Variants in ARHGAP22 observed in about 807,000 individuals in gnomAD.
ARHGAP22 encodes Rho GTPase activating protein 22, also known as rho GTPase-activating protein 22.
ARHGAP22 carries 48 observed loss-of-function variants against 59.1 expected under a neutral mutation model. That is an observed-to-expected ratio of 0.81 (90% CI 0.64 to 1.03). The LOEUF is 1.03. ARHGAP22 is among the 50% of genes least tolerant of loss of function. The pLI is 0.00. For missense variants in ARHGAP22, 1,015 were observed against 958.7 expected, an observed-to-expected ratio of 1.06 and a Z score of -0.78; for synonymous variants, 445 against 416.4, an observed-to-expected ratio of 1.07 and a Z score of -0.84.
intron 1 of ARHGAP22, 132 bp downstream of exon 1, chr10:48,604,631 C>T (rs777621224): frequency 7.6e-5 from 107 of 1,414,964 alleles, no homozygotes; most frequent in South Asian, 5.0e-5. Context: ...GGAGGATGCT[C>T]ACTATTCAGC....
chr10:48,462,654 C>T (rs1196314413), intron 4 of ARHGAP22, among the ~76,000 whole-genome samples: 1 of 152,248 alleles, frequency 6.6e-6, no homozygotes. Flanking sequence ...GTCATGTGAA[C>T]AGACAACAGG....
intron 9 of ARHGAP22, among the ~76,000 whole-genome samples, chr10:48,447,621 C>T (rs1438565456): frequency 2.6e-5 from 4 of 152,138 alleles, no homozygotes; most frequent in Admixed American, 6.5e-5. Context: ...ACCCACCTCC[C>T]CACTGCTGCC....
At chr10:48,560,364 C>A (rs1261830973) in intron 2 of ARHGAP22, among the ~76,000 whole-genome samples, 11 of 152,090 alleles carry the variant, frequency 7.2e-5, no homozygotes, top group African/African-American at 2.7e-4. Context: ...CTTTCATTTT[C>A]CCCAACAATA....
At chr10:48,561,704 T>C (rs61450717) in intron 2 of ARHGAP22, among the ~76,000 whole-genome samples, 4,963 of 152,266 alleles carry the variant, frequency 0.033, 184 homozygotes, top group South Asian at 0.13. Context: ...CTATAGAAGA[T>C]ATAGGATTGG....
intron 4 of ARHGAP22, chr10:48,466,576 C>T (rs1181199114): frequency 6.8e-6 from 1 of 147,246 alleles, no homozygotes; most frequent in African/African-American, 2.4e-5. Flanking sequence ...CCGCCCCTAC[C>T]TGGGGCGGCG....
At chr10:48,624,452 G>A (rs1028056989) in intron 1 of ARHGAP22, 1 of 148,802 alleles carries the variant, frequency 6.7e-6, no homozygotes, top group Non-Finnish European at 1.5e-5. Context: ...AAAGAAGAGA[G>A]AAAGAGAGAG....
Position 48,644,096 on chromosome 10 carries a change from G to A in ARHGAP22, c.52+8138C>T, listed in dbSNP as rs535355423. Among the ~76,000 whole-genome samples, 10 of 152,270 alleles carry A rather than the reference G, an allele frequency of 6.6e-5. 1 individual carries two copies. The South Asian group carries it at 1.9e-3, about 28-fold the overall frequency. On this transcript the variant is annotated intron_variant, in intron 1 of 9. Transcript: ENST00000435790. ...TGGGAGGCAGAGGTTGCGGTGAGCC[G>A]AGATCGTGCCATTGCACTCCAGCCT... is the stretch of plus-strand genomic sequence containing the variant.
chr10:48,464,954 C>T (rs2047504504), intron 4 of ARHGAP22, among the ~76,000 whole-genome samples: 1 of 151,970 alleles, frequency 6.6e-6, no homozygotes, highest in Non-Finnish European at 1.5e-5. Context: ...CTTAGCCTCC[C>T]AAGAGGCTTC....
chr10:48,601,160 G>A (rs7082857), intron 1 of ARHGAP22, among the ~76,000 whole-genome samples: 9,136 of 152,190 alleles, frequency 0.06, 870 homozygotes, highest in African/African-American at 0.2. Context: ...TGACAAACCT[G>A]GGCAGGGGCA....
At chr10:48,630,075 A>C (rs2061578116) in intron 1 of ARHGAP22, among the ~76,000 whole-genome samples, 5 of 150,112 alleles carry the variant, frequency 3.3e-5, no homozygotes, top group African/African-American at 9.7e-5. Flanking sequence ...GAGTCTATAT[A>C]CCAAGTTAGA....
intron 4 of ARHGAP22, among the ~76,000 whole-genome samples, chr10:48,460,958 G>A (rs1482929593): frequency 6.6e-6 from 1 of 152,202 alleles, no homozygotes; most frequent in Non-Finnish European, 1.5e-5. Flanking sequence ...AAGTAGAATG[G>A]TGGCTGCAAG....
At chr10:48,479,538 C>T (rs1176861298) in intron 4 of ARHGAP22, 98 bp downstream of exon 4, 7 of 1,596,482 alleles carry the variant, frequency 4.4e-6, no homozygotes, top group Non-Finnish European at 5.1e-6. Flanking sequence ...CCAGCAAGTC[C>T]TCAGTGAGCA....
chr10:48,571,708 A>G (rs1445946654), intron 2 of ARHGAP22, among the ~76,000 whole-genome samples: 1 of 152,198 alleles, frequency 6.6e-6, no homozygotes, highest in African/African-American at 2.4e-5. Context: ...CGTGGCAGGG[A>G]TCAGTGGATG....
intron 3 of ARHGAP22, among the ~76,000 whole-genome samples, chr10:48,495,598 A>G (rs1370475667): frequency 6.6e-6 from 1 of 151,620 alleles, no homozygotes; most frequent in African/African-American, 2.4e-5. Context: ...TCCAGGCTCC[A>G]TCCCTTGGTG....
intron 3 of ARHGAP22, among the ~76,000 whole-genome samples, chr10:48,536,167 T>C (rs1313265208): frequency 2.0e-5 from 3 of 152,216 alleles, no homozygotes; most frequent in Non-Finnish European, 4.4e-5. Context: ...CACACTCTGC[T>C]CAGTCTTGAG....
At chr10:48,534,658 T>G (rs1348083336) in intron 3 of ARHGAP22, among the ~76,000 whole-genome samples, 1 of 152,196 alleles carries the variant, frequency 6.6e-6, no homozygotes, top group Non-Finnish European at 1.5e-5. Context: ...AACTCATTAA[T>G]CCCTGCAAGA....
At chr10:48,593,194 C>T (rs12218054) in intron 1 of ARHGAP22, among the ~76,000 whole-genome samples, 29,557 of 152,178 alleles carry the variant, frequency 0.19, 2,920 homozygotes, top group East Asian at 0.22. Context: ...TCAACGACAC[C>T]TCTCTTATCA....
intron 3 of ARHGAP22, among the ~76,000 whole-genome samples, chr10:48,537,733 T>G (rs2055505687): frequency 6.6e-6 from 1 of 152,234 alleles, no homozygotes; most frequent in South Asian, 2.1e-4. Flanking sequence ...TCTTCCCACC[T>G]GACCGCAGGC....
rs2045825622 is a variant in ARHGAP22, at chr10:48,450,586, C to T, written c.1543G>A (p.Ala515Thr). The T allele has an allele frequency of 5.2e-6, 8 of 1,542,434 alleles. No homozygotes were observed. The highest frequency in any genetic ancestry group is 2.4e-5 in the East Asian group (1 of 40,898). The stretch of plus-strand genomic sequence containing the variant: ...CCCACCGACGACTCGCTGGACGAGG[C>T]CCCGGACCACGCCATACTGGCCACG... Reference protein sequence around the residue: ...PSVASMAWSGASSSESSVGGS... With the variant: ...PSVASMAWSGTSSSESSVGGS... Residue 515 changes from alanine to threonine, a missense_variant, in exon 9 of 10, where the codon GCC becomes ACC. Ala to Thr is a moderately conservative substitution (Grantham distance 58). Transcript: ENST00000249601.
Sources: allele counts gnomAD v4.1 joint callset (sites outside exome capture counted in the v4.1 genomes callset), GRCh38; gene constraint gnomAD v4.1.1; transcripts MANE v1.5; gene names NCBI Gene and HGNC (gene_info 2026-07-23, HGNC 2026-07-21).